Variants in UGT1A8 observed in about 807,000 individuals in gnomAD.
The protein encoded by UGT1A8 is UDP-glucuronosyltransferase 1A8.
A neutral mutation model predicts 45.3 loss-of-function variants in UGT1A8; 39 were observed. That is an observed-to-expected ratio of 0.86 (90% confidence interval 0.67 to 1.12). UGT1A8 has a LOEUF of 1.12. UGT1A8 is among the 50% of genes most tolerant of loss of function. The pLI is 0.00. For missense variants in UGT1A8, 719 were observed against 664.9 expected, an observed-to-expected ratio of 1.08 and a Z score of -0.90; for synonymous variants, 275 against 249.2, an observed-to-expected ratio of 1.10 and a Z score of -0.97.
chr2:233,743,882 C>T (rs779162939), intron 1 of UGT1A8: 31 of 1,366,974 alleles, frequency 2.3e-5, no homozygotes, highest in African/African-American at 3.0e-5. Context: ...TGAGGCCTGC[C>T]GGGGCACGTC....
At chr2:233,669,279 T>G (rs1027719616) in intron 1 of UGT1A8, among the ~76,000 whole-genome samples, 4 of 152,130 alleles carry the variant, frequency 2.6e-5, no homozygotes, top group African/African-American at 7.2e-5. Flanking sequence ...TTTTTAAAAG[T>G]TATTTTTGCT....
intron 1 of UGT1A8, chr2:233,713,159 C>T (rs2076285726): frequency 1.9e-6 from 3 of 1,614,192 alleles, no homozygotes; most frequent in Middle Eastern, 1.7e-4. Flanking sequence ...CGAGAGGCCA[C>T]CAGGTGGTGG....
chr2:233,671,915 C>T (rs2074202240), intron 1 of UGT1A8: 1 of 1,586,326 alleles, frequency 6.3e-7, no homozygotes, highest in African/African-American at 1.3e-5. Flanking sequence ...CAGCTGCTTG[C>T]TCTCAGCTGC....
chr2:233,744,436 C>T (rs183534266), intron 1 of UGT1A8, among the ~76,000 whole-genome samples: 4 of 151,808 alleles, frequency 2.6e-5, no homozygotes, highest in African/African-American at 2.4e-5. Flanking sequence ...ATCTATCATA[C>T]GTACTGCATT....
At chr2:233,756,792 A>G (rs1306951497) in intron 1 of UGT1A8, among the ~76,000 whole-genome samples, 1 of 152,054 alleles carries the variant, frequency 6.6e-6, no homozygotes, top group Non-Finnish European at 1.5e-5. Context: ...TTGTGGGGCA[A>G]TACACTAGTA....
At chr2:233,699,047 A>G (rs1251021035) in intron 1 of UGT1A8, among the ~76,000 whole-genome samples, 4 of 152,180 alleles carry the variant, frequency 2.6e-5, no homozygotes, top group Non-Finnish European at 1.5e-5. Context: ...ATGTCCTGAA[A>G]CAACTTATCC....
intron 1 of UGT1A8, among the ~76,000 whole-genome samples, chr2:233,669,055 T>C (rs1462807738): frequency 6.6e-6 from 1 of 152,232 alleles, no homozygotes; most frequent in African/African-American, 2.4e-5. Context: ...GTAATGTGTT[T>C]TCCCGCTTTC....
At chr2:233,676,959 C>T (rs1260270998) in intron 1 of UGT1A8, among the ~76,000 whole-genome samples, 2 of 151,932 alleles carry the variant, frequency 1.3e-5, no homozygotes, top group African/African-American at 4.8e-5. Flanking sequence ...ATTACTATAG[C>T]TGTGTAATAA....
At chr2:233,661,847 G>T (rs755232097) in intron 1 of UGT1A8, among the ~76,000 whole-genome samples, 2 of 151,554 alleles carry the variant, frequency 1.3e-5, no homozygotes, top group African/African-American at 2.4e-5. Context: ...GCGACACTTT[G>T]TATGGGTCCT....
intron 1 of UGT1A8, among the ~76,000 whole-genome samples, chr2:233,749,338 G>A (rs996223048): frequency 2.0e-5 from 3 of 151,868 alleles, no homozygotes; most frequent in Admixed American, 6.5e-5. Flanking sequence ...GTTGAAAAGT[G>A]GGATGGAATT....
chr2:233,756,971 C>T (rs1226266668), intron 1 of UGT1A8, among the ~76,000 whole-genome samples: 8 of 151,892 alleles, frequency 5.3e-5, no homozygotes, highest in African/African-American at 1.9e-4. Flanking sequence ...GGTAAGCACG[C>T]AATGAACAGT....
intron 1 of UGT1A8, among the ~76,000 whole-genome samples, chr2:233,717,097 A>G (rs1035812992): frequency 6.6e-6 from 1 of 152,144 alleles, no homozygotes; most frequent in South Asian, 2.1e-4. Context: ...TGACATCACT[A>G]TCTAAATAAA....
At position 233,672,322 on chromosome 2, in the gene UGT1A8, G is replaced by C. The variant is rs376368364; in HGVS notation, c.855+53760G>C. On this transcript the variant is annotated intron_variant, in intron 1 of 4. Transcript: ENST00000373450. Reference sequence around the variant, plus strand: ...TTCAAATTGCAGGAGTTTGTTTAAAGACAAAAAATTAGTAGAATACTTAAA... The same window carrying C: ...TTCAAATTGCAGGAGTTTGTTTAAACACAAAAAATTAGTAGAATACTTAAA... The C allele has an allele frequency of 1.4e-5, 22 of 1,613,884 alleles. No homozygotes were observed. The African/African-American group carries it at 2.8e-4, about 21-fold the overall frequency.
Position 233,729,669 on chromosome 2 carries a change from C to G in UGT1A8, c.856-37365C>G, listed in dbSNP as rs1433524187. ...TGAGGAACATTCCATGTGATTTAGA[C>G]TTTAAGGGCACACAGTGTCCAAACC... On this transcript the variant is annotated intron_variant, in intron 1 of 4. Coordinates refer to ENST00000373450, the MANE Select transcript of UGT1A8 (RefSeq NM_019076.5). 47 of 1,613,792 alleles carry G rather than the reference C, an allele frequency of 2.9e-5. No individual in the cohort carries two copies. Among genetic ancestry groups the G allele is most frequent in the Non-Finnish European group, 3.7e-5 (44 of 1,179,864 alleles).
intron 1 of UGT1A8, among the ~76,000 whole-genome samples, chr2:233,621,221 A>G (rs2125448326): frequency 6.6e-6 from 1 of 152,306 alleles, no homozygotes; most frequent in South Asian, 2.1e-4. Flanking sequence ...TTTACATTTC[A>G]GTATTCCAAT....
Position 233,743,587 on chromosome 2 carries a change from G to A in UGT1A8, c.856-23447G>A, listed in dbSNP as rs375891802. On this transcript the variant is annotated intron_variant, in intron 1 of 4. Transcript: ENST00000373450. ...GCGGGTTTCCCAAGAGGTCAAAGGA[G>A]AATGGGTCCTGGCCGCCGAAGAACT... The A allele has an allele frequency of 8.8e-6, 12 of 1,367,220 alleles. No individual in the cohort carries two copies. In the East Asian group the frequency reaches 1.4e-4, roughly 16 times the overall value. 84.7% of individuals were successfully genotyped at this position (1,367,220 alleles called of 1,614,324 possible).
At chr2:233,696,804 T>C (rs1332294764) in intron 1 of UGT1A8, among the ~76,000 whole-genome samples, 3 of 152,228 alleles carry the variant, frequency 2.0e-5, no homozygotes, top group East Asian at 1.9e-4. Context: ...GTTCCTTCTG[T>C]AGCCAGTTTA....
At chr2:233,675,872 A>G (rs1208068798) in intron 1 of UGT1A8, among the ~76,000 whole-genome samples, 3 of 152,196 alleles carry the variant, frequency 2.0e-5, no homozygotes, top group Non-Finnish European at 4.4e-5. Flanking sequence ...AATTTGTTAC[A>G]TAGCCACAAT....
rs539153325 is a variant in UGT1A8, at chr2:233,714,494, T to G, written c.856-52540T>G. On this transcript the variant is annotated intron_variant, in intron 1 of 4. Coordinates refer to ENST00000373450, the MANE Select transcript of UGT1A8 (RefSeq NM_019076.5). ...AGGAGAATGTTTCTTGTGAAGACAC[T>G]ACTTAAAAAAAATTCTTACTAGGTT... Among the ~76,000 whole-genome samples, 98 of 152,310 alleles carry G rather than the reference T, an allele frequency of 6.4e-4. 1 individual carries two copies. The South Asian group carries it at 0.019, about 30-fold the overall frequency.
Sources: allele counts gnomAD v4.1 joint callset (sites outside exome capture counted in the v4.1 genomes callset), GRCh38; gene constraint gnomAD v4.1.1; transcripts MANE v1.5; gene names NCBI Gene and HGNC (gene_info 2026-07-23, HGNC 2026-07-21).